ZNF521: variants seen among roughly 807,000 people sequenced by gnomAD.
ZNF521 encodes the protein zinc finger protein 521.
ZNF521 carries 14 observed loss-of-function variants against 105.5 expected under a neutral mutation model. That is an observed-to-expected ratio of 0.13 (90% confidence interval 0.09 to 0.21). The LOEUF (loss-of-function observed/expected upper bound fraction) is 0.21. ZNF521 is among the 10% of genes least tolerant of loss of function. The pLI is 1.00. For missense variants in ZNF521, 1,233 were observed against 1,629.7 expected (o/e 0.76, Z 4.19); for synonymous variants, 635 against 606.0 (o/e 1.05, Z -0.70).
intron 3 of ZNF521, among the ~76,000 whole-genome samples, chr18:25,257,848 G>A (rs752456215): frequency 3.8e-4 from 58 of 152,126 alleles, no homozygotes; most frequent in Non-Finnish European, 4.0e-4. Context: ...AACGGGTGAA[G>A]CTCAACAACT....
At chr18:25,130,486 T>C (rs1234883269) in intron 5 of ZNF521, among the ~76,000 whole-genome samples, 2 of 152,192 alleles carry the variant, frequency 1.3e-5, no homozygotes, top group African/African-American at 2.4e-5. Context: ...CCGTGAACTT[T>C]AATGTATCAT....
At chr18:25,231,216 T>A (rs1203658429) in intron 3 of ZNF521, among the ~76,000 whole-genome samples, 1 of 152,140 alleles carries the variant, frequency 6.6e-6, no homozygotes, top group South Asian at 2.1e-4. Context: ...TTCCGGACCA[T>A]CTTCTGGCAG....
At chr18:25,140,767 C>T (rs554774111) in intron 5 of ZNF521, among the ~76,000 whole-genome samples, 1 of 152,162 alleles carries the variant, frequency 6.6e-6, no homozygotes, top group Non-Finnish European at 1.5e-5. Flanking sequence ...GGTCCTGTTA[C>T]ATTCCTGAAG....
At chr18:25,248,872 C>T (rs752683848) in intron 3 of ZNF521, among the ~76,000 whole-genome samples, 24 of 152,190 alleles carry the variant, frequency 1.6e-4, no homozygotes, top group Non-Finnish European at 2.6e-4. Flanking sequence ...TAACAAACTA[C>T]GGCTTATAGG....
intron 4 of ZNF521, among the ~76,000 whole-genome samples, chr18:25,205,130 C>T (rs1169218937): frequency 3.9e-5 from 4 of 102,112 alleles, no homozygotes; most frequent in East Asian, 2.8e-4. Flanking sequence ...AAATTGATGC[C>T]GTAGTGAAGG....
intron 5 of ZNF521, among the ~76,000 whole-genome samples, chr18:25,136,919 C>A (rs1345428959): frequency 2.6e-5 from 4 of 152,084 alleles, no homozygotes; most frequent in African/African-American, 9.7e-5. Context: ...GGTTGTTGGA[C>A]TGGGGGAATA....
In ZNF521 at chr18:25,322,005, T is replaced by A; in HGVS notation, c.220+3A>T. 3 of 1,613,416 alleles carry A rather than the reference T, an allele frequency of 1.9e-6. No homozygotes were observed. Among genetic ancestry groups the A allele is most frequent in the Non-Finnish European group, 8.5e-7 (1 of 1,179,594 alleles). ...AGACAAAAAAGTGATAAGTATTGTTTACCTGTCAGTTGACATTGATTAATC... is the reference window on the plus strand; with the variant it reads ...AGACAAAAAAGTGATAAGTATTGTTAACCTGTCAGTTGACATTGATTAATC... On this transcript the variant is annotated splice_donor_region_variant and intron_variant, in intron 3 of 7. Transcript: ENST00000361524.
intron 5 of ZNF521, among the ~76,000 whole-genome samples, chr18:25,181,191 A>G (rs1479363267): frequency 6.6e-6 from 1 of 152,146 alleles, no homozygotes; most frequent in Non-Finnish European, 1.5e-5. Context: ...AACTGAGCCT[A>G]TGGGCTTCAT....
intron 5 of ZNF521, among the ~76,000 whole-genome samples, chr18:25,135,689 A>G (rs2034721565): frequency 6.6e-6 from 1 of 152,154 alleles, no homozygotes; most frequent in Non-Finnish European, 1.5e-5. Context: ...TGATGAAGGA[A>G]TATACAGTAG....
At chr18:25,069,405 T>C (rs992735622) in intron 7 of ZNF521, among the ~76,000 whole-genome samples, 2 of 152,160 alleles carry the variant, frequency 1.3e-5, no homozygotes, top group Admixed American at 6.5e-5. Flanking sequence ...GTCCACACAA[T>C]TACAAAAGTA....
At chr18:25,103,170 G>A (rs1351028491) in intron 5 of ZNF521, among the ~76,000 whole-genome samples, 1 of 152,028 alleles carries the variant, frequency 6.6e-6, no homozygotes, top group Non-Finnish European at 1.5e-5. Context: ...CTCCCTAGAT[G>A]GTGCTCCTAG....
intron 3 of ZNF521, among the ~76,000 whole-genome samples, chr18:25,274,475 G>T (rs1909905041): frequency 6.6e-6 from 1 of 152,094 alleles, no homozygotes; most frequent in South Asian, 2.1e-4. Flanking sequence ...AAAACAATTA[G>T]ATATGTGGTA....
chr18:25,185,309 A>G (rs953854524), intron 5 of ZNF521, among the ~76,000 whole-genome samples: 4 of 152,192 alleles, frequency 2.6e-5, no homozygotes, highest in Admixed American at 1.3e-4. Flanking sequence ...TGAAGTCAAC[A>G]AAGTAAAGAG....
At chr18:25,335,160 T>C (rs2145189063) in intron 2 of ZNF521, among the ~76,000 whole-genome samples, 1 of 152,324 alleles carries the variant, frequency 6.6e-6, no homozygotes, top group South Asian at 2.1e-4. Flanking sequence ...CCTGTAATTT[T>C]TGCTTTCAGA....
In ZNF521 at chr18:25,321,993, A is replaced by C. The variant is rs561792654; in HGVS notation, c.220+15T>G. The stretch of plus-strand genomic sequence containing the variant: ...AACAGTACAAGAAGACAAAAAAGTG[A>C]TAAGTATTGTTTACCTGTCAGTTGA... On this transcript the variant is annotated intron_variant, in intron 3 of 7. Coordinates refer to ENST00000361524, the MANE Select transcript of ZNF521 (RefSeq NM_015461.3). 1 of 1,610,440 alleles carries C rather than the reference A, an allele frequency of 6.2e-7. No homozygotes were observed. Among genetic ancestry groups the C allele is most frequent in the South Asian group, 1.1e-5 (1 of 90,490 alleles).
chr18:25,145,535 T>C (rs1001428920), intron 5 of ZNF521, among the ~76,000 whole-genome samples: 8 of 152,246 alleles, frequency 5.3e-5, no homozygotes, highest in African/African-American at 1.7e-4. Flanking sequence ...ACTTCATCCA[T>C]ATTTGAGTGG....
At chr18:25,169,619 C>T (rs2035411505) in intron 5 of ZNF521, among the ~76,000 whole-genome samples, 1 of 152,040 alleles carries the variant, frequency 6.6e-6, no homozygotes, top group South Asian at 2.1e-4. Context: ...GGTCAAATGA[C>T]ACATCTAAGA....
At chr18:25,323,108 G>T (rs755067132) in intron 2 of ZNF521, among the ~76,000 whole-genome samples, 39 of 151,762 alleles carry the variant, frequency 2.6e-4, no homozygotes, top group Non-Finnish European at 4.0e-4. Context: ...GTGTGGGGAG[G>T]GGGCTGAAGA....
chr18:25,120,127 A>G (rs1344991361), intron 5 of ZNF521, among the ~76,000 whole-genome samples: 4 of 152,352 alleles, frequency 2.6e-5, no homozygotes, highest in Non-Finnish European at 4.4e-5. Flanking sequence ...TTATTAAAAA[A>G]GGAAGGAAGA....
Sources: allele counts gnomAD v4.1 joint callset (sites outside exome capture counted in the v4.1 genomes callset), GRCh38; gene constraint gnomAD v4.1.1; transcripts MANE v1.5; gene names NCBI Gene and HGNC (gene_info 2026-07-23, HGNC 2026-07-21).